Variants in MUCL1 observed in about 807,000 individuals in gnomAD.
The protein encoded by MUCL1 is mucin like 1.
Under a neutral mutation model 9.2 loss-of-function variants are expected in MUCL1, and 11 were observed. That is an observed-to-expected ratio of 1.19 (90% CI 0.75 to 1.97). The LOEUF (loss-of-function observed/expected upper bound fraction) is 1.97, where lower values mean the gene tolerates loss of function less well. Ranked by LOEUF, MUCL1 falls within the 30% of genes most tolerant of loss-of-function variation. The probability of loss-of-function intolerance (pLI) is 0.00; values close to 1 mark genes in which losing one functional copy is unlikely to be tolerated. For missense variants in MUCL1, 144 were observed against 110.9 expected (o/e 1.30, Z -1.34); for synonymous variants, 48 against 40.5 (o/e 1.19, Z -0.71).
upstream of MUCL1, among the ~76,000 whole-genome samples, chr12:54,851,216 A>T (rs1415056063): frequency 6.6e-6 from 1 of 152,136 alleles, no homozygotes; most frequent in Admixed American, 6.6e-5. Flanking sequence ...TTGGTGTTTT[A>T]GACATGAAGT....
chr12:54,839,458 G>A (rs762767069), intron 1 of MUCL1: 2 of 701,898 alleles, frequency 2.8e-6, no homozygotes, highest in South Asian at 1.5e-5. Flanking sequence ...GTGGGTAAAT[G>A]CGACATCCAA....
upstream of MUCL1, among the ~76,000 whole-genome samples, chr12:54,838,961 G>A (rs1268773614): frequency 6.6e-6 from 1 of 152,102 alleles, no homozygotes; most frequent in Admixed American, 6.5e-5. Flanking sequence ...CATTGCTGGA[G>A]AGGTAATGTG....
intron 1 of MUCL1, 129 bp downstream of exon 1, chr12:54,854,769 TTGAC>T (rs1868286992): frequency 1.3e-6 from 1 of 760,904 alleles, no homozygotes; most frequent in Admixed American, 2.7e-5. Context: ...TATCACCATT[TTGAC>T]TGACCGTTCA....
At chr12:54,838,427 G>A (rs1366007400), upstream of MUCL1, among the ~76,000 whole-genome samples, 1 of 152,140 alleles carries the variant, frequency 6.6e-6, no homozygotes, top group Non-Finnish European at 1.5e-5. Flanking sequence ...TTTTTGTCAT[G>A]AATCCCACAG....
At chr12:54,850,470 C>A (rs917842724), upstream of MUCL1, among the ~76,000 whole-genome samples, 16 of 152,144 alleles carry the variant, frequency 1.1e-4, no homozygotes, top group African/African-American at 3.9e-4. Flanking sequence ...TCATCCATGT[C>A]CCTACAAAGG....
Position 54,858,208 on chromosome 12 carries a change from T to A in MUCL1, c.239T>A (p.Val80Asp). Reference protein sequence around the residue: ...RKDIPVLPKWVGDLPNGRVCP With the variant: ...RKDIPVLPKWDGDLPNGRVCP ...TCTCTTGCAGTTTTACCCAAATGGGTTGGGGATCTCCCGAATGGTAGAGTG... is the reference window on the plus strand; with the variant it reads ...TCTCTTGCAGTTTTACCCAAATGGGATGGGGATCTCCCGAATGGTAGAGTG... The change falls in exon 4 of 4, where the codon GTT becomes GAT. Residue 80 changes from valine (V) to aspartate (D), a missense_variant. Coordinates refer to ENST00000308796, the MANE Select transcript of MUCL1 (RefSeq NM_058173.3). 1 of 1,613,492 alleles carries A rather than the reference T, an allele frequency of 6.2e-7. No individual in the cohort carries two copies. Among genetic ancestry groups the A allele is most frequent in the Non-Finnish European group, 8.5e-7 (1 of 1,179,558 alleles).
upstream of MUCL1, among the ~76,000 whole-genome samples, chr12:54,854,156 G>A (rs757683094): frequency 6.6e-6 from 1 of 152,162 alleles, no homozygotes; most frequent in Non-Finnish European, 1.5e-5. Context: ...CTCTGTAAGT[G>A]TATGACTCCT....
upstream of MUCL1, among the ~76,000 whole-genome samples, chr12:54,853,425 C>T (rs1318103506): frequency 6.6e-6 from 1 of 152,124 alleles, no homozygotes; most frequent in Non-Finnish European, 1.5e-5. Context: ...CAGTGCTGGG[C>T]CCTACTCAAC....
intron 1 of MUCL1, among the ~76,000 whole-genome samples, chr12:54,845,337 C>A (rs1042194249): frequency 1.3e-5 from 2 of 152,200 alleles, no homozygotes; most frequent in Non-Finnish European, 2.9e-5. Context: ...GGCAAGGAGA[C>A]AGGAGGTAAC....
chr12:54,839,976 G>T (rs190480110), intron 1 of MUCL1, among the ~76,000 whole-genome samples: 42 of 152,280 alleles, frequency 2.8e-4, no homozygotes, highest in Non-Finnish European at 5.3e-4. Flanking sequence ...GGGACTCAAG[G>T]CCTGCTGTCT....
chr12:54,837,857 T>A (rs905509842), upstream of MUCL1, among the ~76,000 whole-genome samples: 2 of 152,262 alleles, frequency 1.3e-5, no homozygotes, highest in Admixed American at 1.3e-4. Context: ...TTGTGATTTT[T>A]TAATACGTTC....
chr12:54,855,532 G>A (rs1390648078), intron 2 of MUCL1: 1 of 221,682 alleles, frequency 4.5e-6, no homozygotes, highest in East Asian at 1.0e-4. Flanking sequence ...GTGGGTCTCA[G>A]AATTTGAAGT....
intron 1 of MUCL1, among the ~76,000 whole-genome samples, chr12:54,849,014 C>T (rs887846494): frequency 1.3e-5 from 2 of 151,966 alleles, no homozygotes; most frequent in African/African-American, 4.8e-5. Context: ...TTCCTGTAAG[C>T]AGGTAATGCT....
chr12:54,839,012 C>T (rs898982051), upstream of MUCL1, among the ~76,000 whole-genome samples: 8 of 151,894 alleles, frequency 5.3e-5, no homozygotes, highest in African/African-American at 1.7e-4. Context: ...TGTCATATTG[C>T]CAGAATTATT....
upstream of MUCL1, among the ~76,000 whole-genome samples, chr12:54,852,517 AACT>A (rs1327187468): frequency 6.6e-6 from 1 of 152,160 alleles, no homozygotes; most frequent in Non-Finnish European, 1.5e-5. Flanking sequence ...CAAGATGAAA[AACT>A]ACTCATATAT....
intron 2 of MUCL1, among the ~76,000 whole-genome samples, chr12:54,855,951 G>A (rs568786776): frequency 3.9e-5 from 6 of 152,252 alleles, no homozygotes; most frequent in Non-Finnish European, 7.4e-5. Context: ...ATAGAGTGTG[G>A]GTTTGGAGGT....
chr12:54,839,265 G>A, upstream of MUCL1: 1 of 665,160 alleles, frequency 1.5e-6, no homozygotes, highest in Non-Finnish European at 2.7e-6. Context: ...AATATGCTTG[G>A]TGTGTGAGCA....
intron 3 of MUCL1, 127 bp from the exon 4 acceptor site, chr12:54,858,066 T>A: frequency 2.6e-6 from 3 of 1,137,420 alleles, no homozygotes; most frequent in Non-Finnish European, 3.9e-6. Context: ...AACAATCCCA[T>A]GTTCCTTTCG....
chr12:54,835,883 T>A (rs1337075816), upstream of MUCL1, among the ~76,000 whole-genome samples: 2 of 152,192 alleles, frequency 1.3e-5, no homozygotes, highest in Non-Finnish European at 2.9e-5. Context: ...TCTGCCACAT[T>A]TATTAATTTG....
Sources: gnomAD v4.1 joint callset for allele counts (sites outside exome capture counted in the v4.1 genomes callset) on GRCh38, gnomAD v4.1.1 for gene constraint, MANE v1.5 for transcripts, NCBI Gene and HGNC (gene_info 2026-07-23, HGNC 2026-07-21) for gene names.